Variants in KHDRBS2 observed in about 807,000 individuals in gnomAD.
The protein encoded by KHDRBS2 is KH domain-containing, RNA-binding, signal transduction-associated protein 2.
KHDRBS2 carries 26 observed loss-of-function variants against 44.3 expected under a neutral mutation model. That is an observed-to-expected ratio of 0.59 (90% CI 0.43 to 0.81). The LOEUF (loss-of-function observed/expected upper bound fraction) is 0.81. KHDRBS2 is among the 40% of genes least tolerant of loss of function. KHDRBS2 has a pLI of 0.00. For synonymous variants in KHDRBS2, 194 were observed against 151.1 expected (o/e 1.28, Z -2.08); for missense variants, 476 against 433.1 (o/e 1.10, Z -0.88).
the KHDRBS2 span, among the ~76,000 whole-genome samples, chr6:61,582,930 T>G: frequency 6.6e-6 from 1 of 151,814 alleles, no homozygotes; most frequent in Non-Finnish European, 1.5e-5. Flanking sequence ...AATTAATTAC[T>G]TTCTTCAAAA....
chr6:62,029,421 T>C (rs1783946056), intron 3 of KHDRBS2, among the ~76,000 whole-genome samples: 1 of 151,932 alleles, frequency 6.6e-6, no homozygotes, highest in South Asian at 2.1e-4. Context: ...AACTGTTTCA[T>C]AAAAAGTATC....
At chr6:62,247,675 A>G (rs1835832795) in intron 1 of KHDRBS2, among the ~76,000 whole-genome samples, 1 of 152,038 alleles carries the variant, frequency 6.6e-6, no homozygotes, top group Admixed American at 6.6e-5. Context: ...AAGAGAGCAA[A>G]TGATGGCTCC....
rs191080653 is a variant in KHDRBS2, at chr6:62,251,352, T to C, written c.91+34506A>G. Among the ~76,000 whole-genome samples the C allele has an allele frequency of 6.9e-3, 1,051 of 151,954 alleles. 4 individuals are homozygous for C. Among genetic ancestry groups the C allele is most frequent in the Middle Eastern group, 0.031 (9 of 294 alleles). ...ATGGCTAATTAAAAAACCACAAATA[T>C]GTAAAAATATGTAAATTTGGGTAAA... is the stretch of plus-strand genomic sequence containing the variant. On this transcript the variant is annotated intron_variant, in intron 1 of 8. Coordinates refer to ENST00000281156, the MANE Select transcript of KHDRBS2 (RefSeq NM_152688.4).
At chr6:61,884,311 T>A (rs1409921678) in intron 6 of KHDRBS2, among the ~76,000 whole-genome samples, 1 of 152,092 alleles carries the variant, frequency 6.6e-6, no homozygotes, top group Non-Finnish European at 1.5e-5. Context: ...ATACATTAGG[T>A]TAGCATGATT....
intron 4 of KHDRBS2, among the ~76,000 whole-genome samples, chr6:61,944,230 T>A (rs531615123): frequency 6.6e-6 from 1 of 152,272 alleles, no homozygotes; most frequent in African/African-American, 2.4e-5. Flanking sequence ...TGTAGCACTA[T>A]TCACAATAGC....
At chr6:62,104,826 T>C (rs141624996) in intron 2 of KHDRBS2, among the ~76,000 whole-genome samples, 103 of 152,072 alleles carry the variant, frequency 6.8e-4, no homozygotes, top group Non-Finnish European at 1.2e-3. Flanking sequence ...AATGAATAGA[T>C]AATAATAGAG....
chr6:61,960,801 T>C (rs1768513453), intron 4 of KHDRBS2, among the ~76,000 whole-genome samples: 1 of 152,154 alleles, frequency 6.6e-6, no homozygotes, highest in Non-Finnish European at 1.5e-5. Flanking sequence ...ATTAAAGGCT[T>C]AATCTTCATG....
At chr6:61,841,216 C>A (rs1221598755) in intron 6 of KHDRBS2, among the ~76,000 whole-genome samples, 1 of 152,038 alleles carries the variant, frequency 6.6e-6, no homozygotes, top group Non-Finnish European at 1.5e-5. Flanking sequence ...TACTTAAATA[C>A]TTTGAAAACA....
At chr6:61,671,294 C>T in the KHDRBS2 span, among the ~76,000 whole-genome samples, 1 of 151,546 alleles carries the variant, frequency 6.6e-6, no homozygotes, top group East Asian at 2.0e-4. Flanking sequence ...AAGTATGAAG[C>T]ATCGTGGAAC....
intron 6 of KHDRBS2, among the ~76,000 whole-genome samples, chr6:61,818,326 A>G (rs1456632938): frequency 6.6e-6 from 1 of 151,762 alleles, no homozygotes; most frequent in Non-Finnish European, 1.5e-5. Flanking sequence ...AAAAGGATAG[A>G]AAAAAGACGT....
chr6:61,868,881 T>C (rs1798184952), intron 6 of KHDRBS2, among the ~76,000 whole-genome samples: 1 of 152,082 alleles, frequency 6.6e-6, no homozygotes, highest in Non-Finnish European at 1.5e-5. Context: ...GACTGGAGCA[T>C]GTAAAGGTCC....
intron 3 of KHDRBS2, among the ~76,000 whole-genome samples, chr6:61,998,797 C>T (rs1258502211): frequency 6.6e-6 from 1 of 152,010 alleles, no homozygotes; most frequent in Non-Finnish European, 1.5e-5. Flanking sequence ...GACAAAATGG[C>T]TTTCTGCTTC....
At chr6:61,651,680 C>T in the KHDRBS2 span, among the ~76,000 whole-genome samples, 3 of 152,074 alleles carry the variant, frequency 2.0e-5, no homozygotes, top group East Asian at 1.9e-4. Flanking sequence ...GACTTGAAAC[C>T]AAGCCTTCTG....
chr6:61,870,427 G>A (rs1183133473), intron 6 of KHDRBS2, among the ~76,000 whole-genome samples: 1 of 152,168 alleles, frequency 6.6e-6, no homozygotes, highest in Non-Finnish European at 1.5e-5. Context: ...ATCTGCCTGG[G>A]ACAGAGCACC....
At chr6:62,235,909 A>C (rs1224185275) in intron 1 of KHDRBS2, among the ~76,000 whole-genome samples, 1 of 152,096 alleles carries the variant, frequency 6.6e-6, no homozygotes, top group African/African-American at 2.4e-5. Context: ...AACTAGCATT[A>C]TAATCTCAGG....
At chr6:62,238,979 G>GA (rs1321164703) in intron 1 of KHDRBS2, among the ~76,000 whole-genome samples, 1 of 152,116 alleles carries the variant, frequency 6.6e-6, no homozygotes, top group Non-Finnish European at 1.5e-5. Context: ...GATATAACTA[G>GA]ATGGAACTGT....
Position 62,029,632 on chromosome 6 carries a change from T to G in KHDRBS2, c.336+18246A>C, listed in dbSNP as rs192673993. Among the ~76,000 whole-genome samples the G allele has an allele frequency of 1.7e-3, 259 of 151,992 alleles. 9 individuals carry two copies. The South Asian group carries it at 0.048, about 28-fold the overall frequency. ...TCCATTACGTAAAATAGCTGAGTGATTCATCTGCATTCAGTACCAGAAATA... is the reference window on the plus strand; with the variant it reads ...TCCATTACGTAAAATAGCTGAGTGAGTCATCTGCATTCAGTACCAGAAATA... On this transcript the variant is annotated intron_variant, in intron 3 of 8. Coordinates refer to ENST00000281156, the MANE Select transcript of KHDRBS2 (RefSeq NM_152688.4).
At chr6:62,200,535 A>T in intron 1 of KHDRBS2, among the ~76,000 whole-genome samples, 1 of 152,218 alleles carries the variant, frequency 6.6e-6, no homozygotes. Context: ...CCACAATGAG[A>T]TACCATCTCA....
intron 6 of KHDRBS2, among the ~76,000 whole-genome samples, chr6:61,809,871 G>A (rs2127592266): frequency 6.6e-6 from 1 of 152,230 alleles, no homozygotes; most frequent in South Asian, 2.1e-4. Flanking sequence ...AATATTTTTA[G>A]TTTCATCATT....
Sources: gnomAD v4.1 joint callset for allele counts (sites outside exome capture counted in the v4.1 genomes callset) on GRCh38, gnomAD v4.1.1 for gene constraint, MANE v1.5 for transcripts, NCBI Gene and HGNC (gene_info 2026-07-23, HGNC 2026-07-21) for gene names.